The following SDK1 variants were observed in gnomAD, a reference collection of about 807,000 sequenced individuals.
SDK1 encodes protein sidekick-1.
In SDK1, 157 loss-of-function variants were observed where a neutral mutation model predicts 245.5. The observed-to-expected ratio is 0.64, with a 90% CI of 0.56 to 0.73. The LOEUF (loss-of-function observed/expected upper bound fraction) is 0.73. SDK1 is among the 30% of genes least tolerant of loss of function. The pLI is 0.00. For missense variants in SDK1, 3,583 were observed against 3,002.3 expected (o/e 1.19, Z -4.52); for synonymous variants, 1,647 against 1,278.5 (o/e 1.29, Z -6.15).
At chr7:3,692,059 A>C (rs945216207) in intron 4 of SDK1, among the ~76,000 whole-genome samples, 10 of 152,182 alleles carry the variant, frequency 6.6e-5, no homozygotes, top group Non-Finnish European at 1.3e-4. Flanking sequence ...AGCTGTGAGC[A>C]AGACGGTTAT....
intron 4 of SDK1, chr7:3,642,850 G>A (rs1021114006): frequency 1.3e-5 from 2 of 152,204 alleles, no homozygotes; most frequent in Admixed American, 6.5e-5. Context: ...ATTTCCAGAA[G>A]AATCATGAAA....
intron 13 of SDK1, among the ~76,000 whole-genome samples, chr7:3,975,590 A>G (rs1442397975): frequency 6.6e-6 from 1 of 152,250 alleles, no homozygotes; most frequent in Non-Finnish European, 1.5e-5. Context: ...AGTGCTAAGC[A>G]TGTGGCTTCT....
chr7:3,820,972 C>A (rs1779630296), intron 4 of SDK1, among the ~76,000 whole-genome samples: 1 of 152,234 alleles, frequency 6.6e-6, no homozygotes, highest in Non-Finnish European at 1.5e-5. Context: ...TGGCGACTTT[C>A]CTTCTACGCA....
chr7:4,145,276 G>A (rs553155915), intron 28 of SDK1, among the ~76,000 whole-genome samples: 2 of 152,290 alleles, frequency 1.3e-5, no homozygotes, highest in East Asian at 1.9e-4. Context: ...AGGAGTGGCC[G>A]CTGTGGAGCT....
chr7:3,584,333 C>A (rs575483334), intron 1 of SDK1, among the ~76,000 whole-genome samples: 1 of 152,136 alleles, frequency 6.6e-6, no homozygotes, highest in Non-Finnish European at 1.5e-5. Context: ...CCTTGCCTGG[C>A]GTTCCCTGTC....
chr7:4,025,384 G>T (rs1292846843), intron 17 of SDK1, among the ~76,000 whole-genome samples: 1 of 152,232 alleles, frequency 6.6e-6, no homozygotes, highest in African/African-American at 2.4e-5. Flanking sequence ...AGGGCCGCCA[G>T]CCGAGGCACA....
chr7:3,914,072 G>A lies in SDK1; in HGVS notation c.848-36851G>A, dbSNP rs574598372. ...GTTGAAAAAGGTAAGGAGCGGTTATGAAGGCCCAGCCCTGGGGATAGCTTA... is the reference window on the plus strand; with the variant it reads ...GTTGAAAAAGGTAAGGAGCGGTTATAAAGGCCCAGCCCTGGGGATAGCTTA... On this transcript the variant is annotated intron_variant, in intron 5 of 44. Coordinates refer to ENST00000404826, the MANE Select transcript of SDK1 (RefSeq NM_152744.4). Among the ~76,000 whole-genome samples the A allele has an allele frequency of 2.0e-4, 31 of 152,332 alleles. 1 individual carries two copies. The highest frequency in any genetic ancestry group is 7.5e-4 in the African/African-American group (31 of 41,580).
At chr7:3,556,793 CAAAT>C (rs985884690) in intron 1 of SDK1, among the ~76,000 whole-genome samples, 3 of 152,106 alleles carry the variant, frequency 2.0e-5, no homozygotes, top group South Asian at 2.1e-4. Context: ...GATTCTGTTT[CAAAT>C]AAATAAATAA....
At chr7:3,495,101 C>T (rs1241162904) in intron 1 of SDK1, among the ~76,000 whole-genome samples, 4 of 152,072 alleles carry the variant, frequency 2.6e-5, no homozygotes, top group Admixed American at 1.3e-4. Flanking sequence ...ATGACAGATG[C>T]CACCATCCGT....
intron 13 of SDK1, among the ~76,000 whole-genome samples, chr7:3,980,969 A>G (rs899408097): frequency 6.6e-6 from 1 of 152,092 alleles, no homozygotes; most frequent in Non-Finnish European, 1.5e-5. Flanking sequence ...AAAAAGAAAT[A>G]GTTTATATTT....
At chr7:3,634,723 G>A (rs1231718476) in intron 2 of SDK1, among the ~76,000 whole-genome samples, 1 of 152,170 alleles carries the variant, frequency 6.6e-6, no homozygotes, top group African/African-American at 2.4e-5. Context: ...CCCATAATAG[G>A]TGGAGGACTT....
chr7:3,553,066 C>G (rs991384831), intron 1 of SDK1, among the ~76,000 whole-genome samples: 11 of 152,038 alleles, frequency 7.2e-5, no homozygotes, highest in African/African-American at 2.7e-4. Context: ...ACTCCTCATC[C>G]TACCATCTAG....
At chr7:3,686,505 G>C (rs1784285162) in intron 4 of SDK1, among the ~76,000 whole-genome samples, 1 of 152,236 alleles carries the variant, frequency 6.6e-6, no homozygotes, top group African/African-American at 2.4e-5. Flanking sequence ...ACATATGCCT[G>C]TCACTCACGC....
intron 33 of SDK1, among the ~76,000 whole-genome samples, chr7:4,175,146 T>C (rs1400727705): frequency 6.6e-6 from 1 of 152,212 alleles, no homozygotes; most frequent in Non-Finnish European, 1.5e-5. Context: ...GCAGCTCCTA[T>C]GCTCCTATGC....
At chr7:4,108,231 T>G (rs541833637) in intron 22 of SDK1, among the ~76,000 whole-genome samples, 19 of 152,272 alleles carry the variant, frequency 1.2e-4, no homozygotes, top group Non-Finnish European at 2.4e-4. Context: ...TGGGCCCTGA[T>G]GGGGGATAGG....
intron 1 of SDK1, among the ~76,000 whole-genome samples, chr7:3,335,897 A>G (rs1399480836): frequency 2.0e-5 from 3 of 152,158 alleles, no homozygotes; most frequent in Admixed American, 1.3e-4. Flanking sequence ...ACTTCATATA[A>G]CAAAGAAGCA....
rs193300014 is a variant in SDK1, at chr7:3,916,833, A to G, written c.848-34090A>G. On this transcript the variant is annotated intron_variant, in intron 5 of 44. Coordinates refer to ENST00000404826, the MANE Select transcript of SDK1 (RefSeq NM_152744.4). ...TTGTAGATTATTAATTGATAGATAG[A>G]TAGACAGACAGATTGTCAGGGAGAT... Among the ~76,000 whole-genome samples the G allele has an allele frequency of 1.2e-3, 180 of 152,386 alleles. 1 individual carries two copies. The highest frequency in any genetic ancestry group is 4.1e-3 in the African/African-American group (172 of 41,594).
intron 1 of SDK1, among the ~76,000 whole-genome samples, chr7:3,397,243 A>C (rs1346892008): frequency 6.6e-6 from 1 of 151,996 alleles, no homozygotes; most frequent in African/African-American, 2.4e-5. Flanking sequence ...AAGCGTTCTC[A>C]AAAACAATTA....
At chr7:3,651,809 A>T (rs576891853) in intron 4 of SDK1, among the ~76,000 whole-genome samples, 2 of 152,316 alleles carry the variant, frequency 1.3e-5, no homozygotes, top group Non-Finnish European at 1.5e-5. Context: ...AGGAACGGCA[A>T]TCAGAAGATA....
Sources: allele counts gnomAD v4.1 joint callset (sites outside exome capture counted in the v4.1 genomes callset), GRCh38; gene constraint gnomAD v4.1.1; transcripts MANE v1.5; gene names NCBI Gene and HGNC (gene_info 2026-07-23, HGNC 2026-07-21).